Variants in METTL25 observed in about 807,000 individuals in gnomAD.
METTL25 encodes methyltransferase like 25.
In METTL25, 64 loss-of-function variants were observed where a neutral mutation model predicts 71.6. The observed-to-expected ratio is 0.89, with a 90% CI of 0.73 to 1.10. The LOEUF (loss-of-function observed/expected upper bound fraction) is 1.10, where lower values mean the gene tolerates loss of function less well. Ranked by LOEUF, METTL25 falls within the 50% of genes least tolerant of loss-of-function variation. The probability of loss-of-function intolerance (pLI) is 0.00; values close to 1 mark genes in which losing one functional copy is unlikely to be tolerated. For missense variants in METTL25, 807 were observed against 707.0 expected (o/e 1.14, Z -1.60); for synonymous variants, 287 against 250.3 (o/e 1.15, Z -1.38).
chr12:82,448,575 G>C (rs1026585204), intron 8 of METTL25, among the ~76,000 whole-genome samples: 1 of 151,872 alleles, frequency 6.6e-6, no homozygotes, highest in South Asian at 2.1e-4. Context: ...AATGTATACA[G>C]CTATACAAAA....
At chr12:82,435,798 C>A (rs530119375) in intron 7 of METTL25, among the ~76,000 whole-genome samples, 1 of 151,522 alleles carries the variant, frequency 6.6e-6, no homozygotes, top group African/African-American at 2.4e-5. Flanking sequence ...TAAATGCCAA[C>A]TGTTGTTGCT....
intron 3 of METTL25, 52 bp downstream of exon 3, chr12:82,389,974 GT>G (rs1885423753): frequency 9.9e-7 from 1 of 1,006,616 alleles, no homozygotes; most frequent in Non-Finnish European, 1.6e-6. Context: ...CCACTTTTTG[GT>G]ATTATTCATA....
chr12:82,365,935 A>G (rs1485332136), intron 1 of METTL25, among the ~76,000 whole-genome samples: 1 of 152,142 alleles, frequency 6.6e-6, no homozygotes, highest in Non-Finnish European at 1.5e-5. Flanking sequence ...ACAAAAAATC[A>G]GCCAGACATG....
intron 8 of METTL25, among the ~76,000 whole-genome samples, chr12:82,446,559 C>CGGTCA (rs1890755455): frequency 6.6e-6 from 1 of 151,662 alleles, no homozygotes; most frequent in Non-Finnish European, 1.5e-5. Flanking sequence ...ACAACATGAC[C>CGGTCA]CTGAATGACC....
intron 9 of METTL25, among the ~76,000 whole-genome samples, chr12:82,465,082 G>T (rs1327790503): frequency 6.6e-6 from 1 of 151,774 alleles, no homozygotes; most frequent in East Asian, 1.9e-4. Flanking sequence ...TTTCCAATTT[G>T]GATGTCCTTT....
chr12:82,376,981 C>T (rs1029836353), intron 1 of METTL25, among the ~76,000 whole-genome samples: 17 of 151,954 alleles, frequency 1.1e-4, no homozygotes, highest in South Asian at 1.0e-3. Flanking sequence ...GGCGTGGTGG[C>T]GGGCACCTGT....
At chr12:82,386,261 A>G (rs1415088866) in intron 1 of METTL25, among the ~76,000 whole-genome samples, 2 of 152,154 alleles carry the variant, frequency 1.3e-5, no homozygotes, top group African/African-American at 4.8e-5. Flanking sequence ...AGGGACATTT[A>G]TATACCACTG....
intron 11 of METTL25, among the ~76,000 whole-genome samples, chr12:82,478,553 T>C (rs1361814417): frequency 1.3e-5 from 2 of 151,790 alleles, no homozygotes; most frequent in Non-Finnish European, 3.0e-5. Context: ...AATAAAATTA[T>C]AAATGCAGTT....
chr12:82,401,231 C>G (rs1180219928), intron 4 of METTL25, among the ~76,000 whole-genome samples: 1 of 151,796 alleles, frequency 6.6e-6, no homozygotes, highest in Non-Finnish European at 1.5e-5. Context: ...GCTAAAATAA[C>G]ATTTTAGTAA....
At chr12:82,412,967 T>C (rs1450317960) in intron 5 of METTL25, among the ~76,000 whole-genome samples, 2 of 151,992 alleles carry the variant, frequency 1.3e-5, no homozygotes, top group Non-Finnish European at 2.9e-5. Flanking sequence ...TTTTAAAAAA[T>C]AAAGTTTTAA....
intron 9 of METTL25, among the ~76,000 whole-genome samples, chr12:82,464,830 CGTTAAATTTATTCGTATATA>C (rs1282708161): frequency 6.6e-6 from 1 of 151,230 alleles, no homozygotes; most frequent in African/African-American, 2.4e-5. Flanking sequence ...TTACCTCCTT[CGTTAAATTTATTCGTATATA>C]TTTTATTTCC....
At chr12:82,437,469 G>A (rs1890002664) in intron 7 of METTL25, among the ~76,000 whole-genome samples, 2 of 151,580 alleles carry the variant, frequency 1.3e-5, no homozygotes, top group Admixed American at 6.6e-5. Flanking sequence ...AAGATGTAAG[G>A]AAAATGATTG....
intron 9 of METTL25, among the ~76,000 whole-genome samples, chr12:82,459,555 A>C (rs1891720936): frequency 6.6e-6 from 1 of 152,206 alleles, no homozygotes; most frequent in African/African-American, 2.4e-5. Context: ...TGAGCCCAGG[A>C]GTTTGAGGCT....
intron 5 of METTL25, among the ~76,000 whole-genome samples, chr12:82,416,547 C>G (rs1423592815): frequency 6.7e-6 from 1 of 149,940 alleles, no homozygotes; most frequent in African/African-American, 2.5e-5. Flanking sequence ...TTCAGGCAGT[C>G]CTCCCTCCCA....
intron 1 of METTL25, among the ~76,000 whole-genome samples, chr12:82,363,850 G>GA (rs770726584): frequency 1.3e-5 from 2 of 152,012 alleles, no homozygotes; most frequent in Non-Finnish European, 2.9e-5. Flanking sequence ...CCGTATTTAG[G>GA]AAAAAAAGAG....
chr12:82,439,950 G>C (rs895275829), intron 8 of METTL25: 2 of 332,412 alleles, frequency 6.0e-6, no homozygotes, highest in Non-Finnish European at 8.6e-6. Context: ...ACTTTCCAAC[G>C]CTCCACATGC....
At chr12:82,369,379 C>T (rs959962339) in intron 1 of METTL25, 5 of 397,020 alleles carry the variant, frequency 1.3e-5, no homozygotes, top group African/African-American at 1.1e-4. Context: ...ATTGTTTGTT[C>T]CTCCCAGTGG....
At chr12:82,457,007 A>G (rs1383320333) in intron 9 of METTL25, among the ~76,000 whole-genome samples, 187 bp downstream of exon 9, 1 of 151,956 alleles carries the variant, frequency 6.6e-6, no homozygotes, top group African/African-American at 2.4e-5. Context: ...TAGAAAGTTT[A>G]CTGTCATGTA....
chr12:82,424,074 G>C (rs563320266), intron 5 of METTL25, among the ~76,000 whole-genome samples: 2 of 152,242 alleles, frequency 1.3e-5, no homozygotes, highest in South Asian at 2.1e-4. Context: ...CTGCTATAAA[G>C]ACACATGCAC....
Sources: allele counts gnomAD v4.1 joint callset (sites outside exome capture counted in the v4.1 genomes callset), GRCh38; gene constraint gnomAD v4.1.1; transcripts MANE v1.5; gene names NCBI Gene and HGNC (gene_info 2026-07-23, HGNC 2026-07-21).